DCC: variants seen among roughly 807,000 people sequenced by gnomAD.
The protein encoded by DCC is netrin receptor DCC.
A neutral mutation model predicts 172.5 loss-of-function variants in DCC; 58 were observed. The ratio of observed to expected loss-of-function variants is 0.34; its 90% CI spans 0.27 to 0.42. The LOEUF (loss-of-function observed/expected upper bound fraction) is 0.42. Among genes scored for constraint, DCC ranks in the 10% least tolerant of loss-of-function variants. The probability of loss-of-function intolerance (pLI) is 1.00; values close to 1 mark genes in which losing one functional copy is unlikely to be tolerated. For missense variants in DCC, 1,740 were observed against 1,791.0 expected (o/e 0.97, Z 0.51); for synonymous variants, 709 against 644.5 (o/e 1.10, Z -1.52).
intron 5 of DCC, among the ~76,000 whole-genome samples, chr18:52,943,294 C>T (rs1203174066): frequency 1.3e-5 from 2 of 152,150 alleles, no homozygotes; most frequent in Non-Finnish European, 2.9e-5. Flanking sequence ...ATAGTACTTT[C>T]ATGCCAGGTA....
intron 12 of DCC, among the ~76,000 whole-genome samples, chr18:53,232,259 G>T (rs537794997): frequency 5.3e-4 from 80 of 152,024 alleles, no homozygotes; most frequent in Middle Eastern, 3.4e-3. Flanking sequence ...ATTTCTCTTT[G>T]CTTGTCAGCT....
chr18:53,391,766 C>A lies in DCC; in HGVS notation c.2567C>A (p.Thr856Asn). The A allele has an allele frequency of 6.2e-7, 1 of 1,613,958 alleles. No homozygotes were observed. Among genetic ancestry groups the A allele is most frequent in the Non-Finnish European group, 8.5e-7 (1 of 1,179,854 alleles). Residue 856 changes from threonine (T) to asparagine (N), a missense_variant, in exon 17 of 29, where the codon ACC becomes AAC. By Grantham distance (65) the Thr-to-Asn change is moderately conservative. Coordinates refer to ENST00000442544, the MANE Select transcript of DCC (RefSeq NM_005215.4). ...PPVGVQAVAL[T>N]HDAVRVSWAD... ...GTAGGTGTACAGGCTGTGGCTCTTACCCATGATGCTGTGAGGGTCAGCTGG... is the reference window on the plus strand; with the variant it reads ...GTAGGTGTACAGGCTGTGGCTCTTAACCATGATGCTGTGAGGGTCAGCTGG...
At chr18:53,358,450 T>A (rs910223751) in intron 15 of DCC, among the ~76,000 whole-genome samples, 17 of 151,974 alleles carry the variant, frequency 1.1e-4, no homozygotes, top group South Asian at 2.1e-4. Flanking sequence ...ATAAAATGGC[T>A]TATTGAGTCA....
At chr18:52,620,371 C>T (rs1397170124) in intron 1 of DCC, among the ~76,000 whole-genome samples, 1 of 152,142 alleles carries the variant, frequency 6.6e-6, no homozygotes, top group Admixed American at 6.5e-5. Flanking sequence ...AGACCATAGC[C>T]TACAATTAGG....
chr18:53,146,142 A>G (rs1004065474), intron 7 of DCC, among the ~76,000 whole-genome samples: 5 of 151,972 alleles, frequency 3.3e-5, no homozygotes, highest in African/African-American at 1.2e-4. Flanking sequence ...TGAGTCTTGA[A>G]CCTGGGAGGC....
intron 14 of DCC, among the ~76,000 whole-genome samples, chr18:53,323,832 G>A (rs1047805629): frequency 2.6e-5 from 4 of 152,110 alleles, no homozygotes; most frequent in Non-Finnish European, 5.9e-5. Flanking sequence ...AGTGAGTAAG[G>A]TAAATGTGGT....
intron 9 of DCC, among the ~76,000 whole-genome samples, chr18:53,194,662 G>T (rs1460715555): frequency 2.0e-5 from 3 of 152,090 alleles, no homozygotes; most frequent in Non-Finnish European, 4.4e-5. Context: ...TAGAGACAGG[G>T]TTTCACCCTG....
At chr18:53,151,677 T>G (rs1433579586) in intron 7 of DCC, among the ~76,000 whole-genome samples, 1 of 152,146 alleles carries the variant, frequency 6.6e-6, no homozygotes, top group Non-Finnish European at 1.5e-5. Context: ...TGAGATTTTA[T>G]GGAGTACATT....
chr18:52,475,289 G>T (rs921207980), intron 1 of DCC, among the ~76,000 whole-genome samples: 1 of 152,134 alleles, frequency 6.6e-6, no homozygotes, highest in African/African-American at 2.4e-5. Flanking sequence ...CACTGTCAGG[G>T]TGAAGCTAAT....
rs180678705 is a variant in DCC, at chr18:52,644,536, G to A, written c.92-107518G>A. Among the ~76,000 whole-genome samples the A allele has an allele frequency of 5.5e-3, 783 of 142,980 alleles. 5 individuals carry two copies. Among genetic ancestry groups the A allele is most frequent in the Non-Finnish European group, 8.6e-3 (573 of 66,854 alleles). 93.8% of individuals were successfully genotyped at this position (142,980 alleles called of 152,430 possible). A position where few individuals can be genotyped will look rare whatever the true frequency, so the allele number is the denominator to read the frequency against. ...GGAGCTTGCGGTGAACCGAGATTGC[G>A]CCACCGTACTCCAGCCTGGGCGACA... is the stretch of plus-strand genomic sequence containing the variant. On this transcript the variant is annotated intron_variant, in intron 1 of 28. Coordinates refer to ENST00000442544, the MANE Select transcript of DCC (RefSeq NM_005215.4).
intron 1 of DCC, among the ~76,000 whole-genome samples, chr18:52,621,659 G>A (rs776372327): frequency 3.3e-5 from 5 of 152,166 alleles, no homozygotes; most frequent in Non-Finnish European, 5.9e-5. Context: ...ACTCACTGTA[G>A]CACACAAGCT....
chr18:53,246,549 G>A (rs1375143390), intron 12 of DCC, among the ~76,000 whole-genome samples: 3 of 151,654 alleles, frequency 2.0e-5, no homozygotes, highest in African/African-American at 7.3e-5. Flanking sequence ...TGAATTAAAA[G>A]TAAAAATATA....
chr18:52,824,354 CT>C (rs1479237542), intron 2 of DCC, among the ~76,000 whole-genome samples: 1 of 152,100 alleles, frequency 6.6e-6, no homozygotes, highest in Non-Finnish European at 1.5e-5. Context: ...ATGAAGTGGT[CT>C]GTTTATTTTG....
chr18:52,998,800 A>G (rs750384972), intron 5 of DCC, among the ~76,000 whole-genome samples: 1 of 152,006 alleles, frequency 6.6e-6, no homozygotes, highest in South Asian at 2.1e-4. Context: ...CTAAAATTTT[A>G]TATTAGTTTT....
chr18:52,806,840 A>C (rs1003852743), intron 2 of DCC, among the ~76,000 whole-genome samples: 2 of 152,144 alleles, frequency 1.3e-5, no homozygotes, highest in African/African-American at 4.8e-5. Flanking sequence ...GGATCCTACC[A>C]GTCTTAGCCA....
chr18:52,359,987 T>C (rs1019510450), intron 1 of DCC, among the ~76,000 whole-genome samples: 1 of 152,234 alleles, frequency 6.6e-6, no homozygotes, highest in Non-Finnish European at 1.5e-5. Context: ...CTTAATTAAG[T>C]CTATGCTATA....
At chr18:53,046,693 G>C (rs2042243540) in intron 5 of DCC, among the ~76,000 whole-genome samples, 2 of 151,914 alleles carry the variant, frequency 1.3e-5, no homozygotes, top group Admixed American at 1.3e-4. Flanking sequence ...ACAGATTACA[G>C]TTCAAACTTC....
At chr18:53,192,846 C>T (rs1598892661) in intron 9 of DCC, among the ~76,000 whole-genome samples, 2 of 152,256 alleles carry the variant, frequency 1.3e-5, no homozygotes, top group South Asian at 4.2e-4. Flanking sequence ...TACACGCATG[C>T]CCAGTTTAGT....
chr18:53,164,326 G>T (rs1418723757), intron 8 of DCC, among the ~76,000 whole-genome samples: 1 of 152,090 alleles, frequency 6.6e-6, no homozygotes, highest in Non-Finnish European at 1.5e-5. Flanking sequence ...TTGACTTGCA[G>T]CCTCAAACTC....
Sources: allele counts gnomAD v4.1 joint callset (sites outside exome capture counted in the v4.1 genomes callset), GRCh38; gene constraint gnomAD v4.1.1; transcripts MANE v1.5; gene names NCBI Gene and HGNC (gene_info 2026-07-23, HGNC 2026-07-21).